The following KRT6A variants were observed in gnomAD, a reference collection of about 807,000 sequenced individuals.
KRT6A encodes keratin, type II cytoskeletal 6A.
Under a neutral mutation model 48.6 loss-of-function variants are expected in KRT6A, and 28 were observed. The ratio of observed to expected loss-of-function variants is 0.58; its 90% CI spans 0.43 to 0.79. The LOEUF is 0.79. Ranked by LOEUF, KRT6A falls within the 30% of genes least tolerant of loss-of-function variation. The pLI, the probability that KRT6A is intolerant of heterozygous loss-of-function variation, is 0.00. For missense variants in KRT6A, 687 were observed against 724.3 expected, an observed-to-expected ratio of 0.95 and a Z score of 0.59; for synonymous variants, 301 against 294.2, an observed-to-expected ratio of 1.02 and a Z score of -0.24.
Position 52,491,132 on chromosome 12 carries a change from C to T in KRT6A, c.796G>A (p.Glu266Lys). 6.2e-7 allele frequency: 1 copy of T among 1,614,004 alleles called. No individual in the cohort carries two copies. Among genetic ancestry groups the T allele is most frequent in the Non-Finnish European group, 8.5e-7 (1 of 1,179,876 alleles). Residue 266 changes from glutamate (E) to lysine (K), a missense_variant, in exon 3 of 9, where the codon GAA becomes AAA. Coordinates refer to ENST00000330722, the MANE Select transcript of KRT6A (RefSeq NM_005554.4). ...CTCACCTTCTTCAGAGTCACAAATT[C>T]ATTCTCTGCTGCTGTGCGCTTGTTG... ...EINKRTAAEN[E>K]FVTLKKDVDA...
In KRT6A at chr12:52,491,558, C is replaced by T; in HGVS notation, c.719G>A (p.Arg240Lys). 1 of 1,614,192 alleles carries T rather than the reference C, an allele frequency of 6.2e-7. No individual in the cohort carries two copies. The highest frequency in any genetic ancestry group is 8.5e-7 in the Non-Finnish European group (1 of 1,180,038). The change falls in exon 2 of 9, where the codon AGA becomes AAA. Residue 240 changes from arginine to lysine, a missense_variant. By Grantham distance (26) the Arg-to-Lys change is conservative (BLOSUM62 2). Around this residue, in one of 3 missense-constraint regions of KRT6A, gnomAD observed 566 missense variants for 565.3 expected, o/e 1.00. Transcript: ENST00000330722. ...GERGRLDSEL[R>K]GMQDLVEDFK... ...GTCCTCCACCAGGTCCTGCATGCCT[C>T]TGAGCTCTGAGTCCAGGCGGCCCCG...
In KRT6A at chr12:52,487,693, G is replaced by A. The variant is rs1938169771; in HGVS notation, c.*27C>T. Reference sequence around the variant, plus strand: ...GCAGCCAGAGAGGGGCCTGAGGACTGTGGGACCGAGAGCTAGCAGACGCAC... The same window carrying A: ...GCAGCCAGAGAGGGGCCTGAGGACTATGGGACCGAGAGCTAGCAGACGCAC... On this transcript the variant is annotated 3_prime_UTR_variant, in exon 9 of 9. Transcript: ENST00000330722. The A allele has an allele frequency of 6.2e-7, 1 of 1,614,090 alleles. No homozygotes were observed. Among genetic ancestry groups the A allele is most frequent in the Non-Finnish European group, 8.5e-7 (1 of 1,179,974 alleles).
At position 52,491,683 on chromosome 12, in the gene KRT6A, C is replaced by T; in HGVS notation, c.594G>A (p.Leu198=). Residue 198 remains leucine (L), a synonymous_variant, in exon 2 of 9, where the codon CTG becomes CTA. Coordinates refer to ENST00000330722, the MANE Select transcript of KRT6A (RefSeq NM_005554.4). ...NKVLETKWTL[L]QEQGTKTVRQ... is the part of the protein sequence containing the mutation. Reference sequence around the variant, plus strand: ...TCACAGTCTTGGTGCCCTGCTCCTGCAGCAGGGTCCACTTTGTTTCCAGAA... The same window carrying T: ...TCACAGTCTTGGTGCCCTGCTCCTGTAGCAGGGTCCACTTTGTTTCCAGAA... 1.2e-6 allele frequency: 2 copies of T among 1,614,226 alleles called. No individual in the cohort carries two copies. Among genetic ancestry groups the T allele is most frequent in the Non-Finnish European group, 1.7e-6 (2 of 1,180,038 alleles).
At chr12:52,491,264 A>G (rs1255567392) in intron 2 of KRT6A, 92 bp from the exon 3 acceptor site, 1 of 1,607,416 alleles carries the variant, frequency 6.2e-7, no homozygotes, top group African/African-American at 1.3e-5. Flanking sequence ...CGAATGGAAT[A>G]TATTCTAATT....
At chr12:52,492,383 C>T (rs941251812) in intron 1 of KRT6A, among the ~76,000 whole-genome samples, 1 of 152,214 alleles carries the variant, frequency 6.6e-6, no homozygotes, top group African/African-American at 2.4e-5. Flanking sequence ...AGTTAACCTA[C>T]TCCATTCTCT....
Position 52,489,992 on chromosome 12 carries a change from T to C in KRT6A, c.1154A>G (p.Asn385Ser), listed in dbSNP as rs1405241081. The C allele has an allele frequency of 6.2e-7, 1 of 1,614,106 alleles. No individual in the cohort carries two copies. The highest frequency in any genetic ancestry group is 2.2e-5 in the East Asian group (1 of 44,866). The change falls in exon 6 of 9, where the codon AAC (asparagine) becomes AGC (serine). Residue 385 changes from asparagine (N) to serine (S), a missense_variant. Around this residue, in one of 3 missense-constraint regions of KRT6A, gnomAD observed 566 missense variants for 565.3 expected, o/e 1.00. Coordinates refer to ENST00000330722, the MANE Select transcript of KRT6A (RefSeq NM_005554.4). ...AGATCTCAGCCTCTGGATCATGCGG[T>C]TGATCTCAGCAATCTCCTGCTTGGT... ...RNTKQEIAEI[N>S]RMIQRLRSEI... is the part of the protein sequence containing the mutation.
chr12:52,489,347 C>G (rs973437951), intron 6 of KRT6A, among the ~76,000 whole-genome samples: 2 of 152,116 alleles, frequency 1.3e-5, no homozygotes, highest in Non-Finnish European at 2.9e-5. Context: ...GGCGCGGTAT[C>G]GACTCACTGC....
At position 52,492,996 on chromosome 12, in the gene KRT6A, C is replaced by T. The variant is rs1376405967; in HGVS notation, c.193G>A (p.Gly65Arg). The change falls in exon 1 of 9, where the codon GGG becomes AGG. Residue 65 changes from glycine to arginine, a missense_variant. Gly to Arg is a moderately radical substitution (Grantham distance 125). Around this residue, in one of 3 missense-constraint regions of KRT6A, gnomAD observed 49 missense variants for 97.3 expected, o/e 0.50. Coordinates refer to ENST00000330722, the MANE Select transcript of KRT6A (RefSeq NM_005554.4). ...GFGSRSLYGL[G>R]GSKRISIGGG... Reference sequence around the variant, plus strand: ...CCAATGGAGATCCTCTTGGAGCCCCCCAGGCCATACAGACTGCGGCTGCCA... The same window carrying T: ...CCAATGGAGATCCTCTTGGAGCCCCTCAGGCCATACAGACTGCGGCTGCCA... 3 of 1,611,588 alleles carry T rather than the reference C, an allele frequency of 1.9e-6. No individual in the cohort carries two copies. The highest frequency in any genetic ancestry group is 1.1e-5 in the South Asian group (1 of 90,952).
intron 7 of KRT6A, 98 bp downstream of exon 7, chr12:52,488,230 C>A: frequency 6.2e-7 from 1 of 1,613,148 alleles, no homozygotes; most frequent in Non-Finnish European, 8.5e-7. Context: ...TCAGGAAGAG[C>A]AATTATGGCC....
At position 52,492,698 on chromosome 12, in the gene KRT6A, C is replaced by G. The variant is rs62635293; in HGVS notation, c.491G>C (p.Arg164Pro). 6.2e-7 allele frequency: 1 copy of G among 1,614,040 alleles called. No homozygotes were observed. Among genetic ancestry groups the G allele is most frequent in the African/African-American group, 1.3e-5 (1 of 75,034 alleles). ...PTIQRVRAEEREQIKTLNNKF... is the reference protein window; with the variant it reads ...PTIQRVRAEEPEQIKTLNNKF... ...GTTGTTGAGGGTCTTGATCTGTTCA[C>G]GCTCCTCAGCCCGCACCCGCTGGAT... The change falls in exon 1 of 9, where the codon CGT (arginine) becomes CCT (proline). Residue 164 changes from arginine (R) to proline (P), a missense_variant. Arg to Pro is a moderately radical substitution (Grantham distance 103). This residue lies in a region of KRT6A where 566 missense variants were observed against 565.3 expected (regional missense o/e 1.00). Coordinates refer to ENST00000330722, the MANE Select transcript of KRT6A (RefSeq NM_005554.4).
In KRT6A at chr12:52,487,802, C is replaced by T. The variant is rs200198490; in HGVS notation, c.1613G>A (p.Gly538Asp). The T allele has an allele frequency of 3.7e-6, 6 of 1,614,072 alleles. No individual in the cohort carries two copies. In the Admixed American group the frequency reaches 1.0e-4, roughly 27 times the overall value. ...ACTGCCGCCTCCAACAGAGCTGAGG[C>T]CACCCCCAATGGCTCTGCCACTGCT... ...SSSSGRAIGG[G>D]LSSVGGGSST... Residue 538 changes from glycine to aspartate, a missense_variant, in exon 9 of 9, where the codon GGC becomes GAC. Coordinates refer to ENST00000330722, the MANE Select transcript of KRT6A (RefSeq NM_005554.4).
chr12:52,489,888 CT>C (rs1422236621), intron 6 of KRT6A, 54 bp downstream of exon 6: 10 of 1,613,696 alleles, frequency 6.2e-6, no homozygotes, highest in Non-Finnish European at 5.9e-6. Context: ...TGGTTGATGG[CT>C]GCCTGACGAC....
At position 52,490,643 on chromosome 12, in the gene KRT6A, C is replaced by T. The variant is rs140989962; in HGVS notation, c.1003G>A (p.Ala335Thr). Residue 335 changes from alanine (A) to threonine (T), a missense_variant, in exon 5 of 9, where the codon GCT becomes ACT. Coordinates refer to ENST00000330722, the MANE Select transcript of KRT6A (RefSeq NM_005554.4). Reference protein sequence around the residue: ...NRNLDLDSIIAEVKAQYEEIA... With the variant: ...NRNLDLDSIITEVKAQYEEIA... Reference sequence around the variant, plus strand: ...TCCTCATATTGGGCCTTGACCTCAGCGATGATGCTGTCCAGGTCCAGGTTG... The same window carrying T: ...TCCTCATATTGGGCCTTGACCTCAGTGATGATGCTGTCCAGGTCCAGGTTG... The T allele has an allele frequency of 2.5e-3, 3,998 of 1,614,196 alleles. 87 individuals carry two copies. In the African/African-American group the frequency reaches 0.04, roughly 16 times the overall value.
chr12:52,490,991 C>T (rs1938251943), intron 3 of KRT6A, 38 bp from the exon 4 acceptor site: 2 of 1,613,770 alleles, frequency 1.2e-6, no homozygotes, highest in African/African-American at 1.3e-5. Flanking sequence ...TACCTGAGCT[C>T]ACCTTTCCAA....
intron 2 of KRT6A, 32 bp downstream of exon 2, chr12:52,491,490 G>T: frequency 6.2e-7 from 1 of 1,611,508 alleles, no homozygotes; most frequent in Non-Finnish European, 8.5e-7. Context: ...TGTGCTGCAG[G>T]AAACTGAGTC....
chr12:52,488,290 G>A, intron 7 of KRT6A, 38 bp downstream of exon 7: 1 of 1,614,072 alleles, frequency 6.2e-7, no homozygotes, highest in Non-Finnish European at 8.5e-7. Context: ...CCTTGAAGAT[G>A]GACTCAGCTG....
chr12:52,490,960 A>T lies in KRT6A; in HGVS notation c.817-7T>A. 6.2e-7 allele frequency: 1 copy of T among 1,613,892 alleles called. No homozygotes were observed. Among genetic ancestry groups the T allele is most frequent in the Non-Finnish European group, 8.5e-7 (1 of 1,179,860 alleles). ...TGTAGGCAGCATCCACATCCTGGGG[A>T]AAGAGCCAACAACCTGGAGTTACCT... On this transcript the variant is annotated splice_polypyrimidine_tract_variant and splice_region_variant and intron_variant, in intron 3 of 8. Transcript: ENST00000330722.
chr12:52,488,888 T>G (rs1382463040), intron 6 of KRT6A, among the ~76,000 whole-genome samples: 1 of 152,180 alleles, frequency 6.6e-6, no homozygotes, highest in African/African-American at 2.4e-5. Flanking sequence ...TATGATTACC[T>G]CATATAGATG....
Position 52,487,906 on chromosome 12 carries a change from G to T in KRT6A, c.1509C>A (p.Val503=). The change falls in exon 9 of 9, where the codon GTC becomes GTA. Residue 503 remains valine (V), a synonymous_variant. Coordinates refer to ENST00000330722, the MANE Select transcript of KRT6A (RefSeq NM_005554.4). The stretch of plus-strand genomic sequence containing the variant: ...CTCCACCCAGGCCTAAGCCACTGCC[G>T]ACACCACTGGCACCGCCATAGCCAC... ...VSSGYGGASG[V]GSGLGLGGGS... 3 of 1,614,050 alleles carry T rather than the reference G, an allele frequency of 1.9e-6. No individual in the cohort carries two copies. Among genetic ancestry groups the T allele is most frequent in the Non-Finnish European group, 2.5e-6 (3 of 1,179,940 alleles).
Sources: gnomAD v4.1 joint callset for allele counts (sites outside exome capture counted in the v4.1 genomes callset) on GRCh38, gnomAD v4.1.1 for gene constraint, gnomAD v4.1.1 regional missense constraint, MANE v1.5 for transcripts, NCBI Gene and HGNC (gene_info 2026-07-23, HGNC 2026-07-21) for gene names.